Variants in MEPCE observed in about 807,000 individuals in gnomAD.
The protein encoded by MEPCE is methylphosphate capping enzyme, also known as 7SK snRNA methylphosphate capping enzyme.
A neutral mutation model predicts 52.3 loss-of-function variants in MEPCE; 9 were observed. The ratio of observed to expected loss-of-function variants is 0.17; its 90% CI spans 0.10 to 0.30. The LOEUF (loss-of-function observed/expected upper bound fraction) is 0.30. Ranked by LOEUF, MEPCE falls within the 10% of genes least tolerant of loss-of-function variation. The pLI, the probability that MEPCE is intolerant of heterozygous loss-of-function variation, is 1.00. For missense variants in MEPCE, 826 were observed against 933.0 expected, an observed-to-expected ratio of 0.89 and a Z score of 1.49; for synonymous variants, 477 against 401.6, an observed-to-expected ratio of 1.19 and a Z score of -2.25.
Position 100,430,188 on chromosome 7 carries a change from C to G in MEPCE, c.170C>G (p.Ser57Cys). ...CGTGGTCCGGGTCGTTGCGCGCCAT[C>G]TGCGGGGTCCCCAGCCGCTGCGGTC... ...TERGPGRCAPSAGSPAAAVGR... is the reference protein window; with the variant it reads ...TERGPGRCAPCAGSPAAAVGR... Residue 57 changes from serine (S) to cysteine (C), a missense_variant, in exon 1 of 4, where the codon TCT becomes TGT. Coordinates refer to ENST00000310512, the MANE Select transcript of MEPCE (RefSeq NM_019606.6). 1.5e-6 allele frequency: 2 copies of G among 1,298,978 alleles called. No homozygotes were observed. The highest frequency in any genetic ancestry group is 1.9e-6 in the Non-Finnish European group (2 of 1,026,050). 80.5% of individuals were successfully genotyped at this position (1,298,978 alleles called of 1,614,324 possible).
Position 100,430,439 on chromosome 7 carries a change from C to G in MEPCE, c.421C>G (p.Pro141Ala). Residue 141 changes from proline (P) to alanine (A), a missense_variant, in exon 1 of 4, where the codon CCA becomes GCA. Around this residue, in one of 7 missense-constraint regions of MEPCE, gnomAD observed 314 missense variants for 277.7 expected, o/e 1.13. Transcript: ENST00000310512. ...RPRNGYQPHRPPGGGGGKRRN... is the reference protein window; with the variant it reads ...RPRNGYQPHRAPGGGGGKRRN... Reference sequence around the variant, plus strand: ...CCGCAATGGCTATCAGCCCCACCGGCCACCTGGGGGGGGCGGGGGCAAGAG... The same window carrying G: ...CCGCAATGGCTATCAGCCCCACCGGGCACCTGGGGGGGGCGGGGGCAAGAG... 1 of 1,557,588 alleles carries G rather than the reference C, an allele frequency of 6.4e-7. No homozygotes were observed. Among genetic ancestry groups the G allele is most frequent in the Admixed American group, 1.8e-5 (1 of 56,202 alleles).
At position 100,432,948 on chromosome 7, in the gene MEPCE, G is replaced by C; in HGVS notation, c.1701G>C (p.Leu567=). The change falls in exon 2 of 4, where the codon CTG becomes CTC. Residue 567 remains leucine (L), a synonymous_variant. Coordinates refer to ENST00000310512, the MANE Select transcript of MEPCE (RefSeq NM_019606.6). The stretch of plus-strand genomic sequence containing the variant: ...ATTATGTGCTGGATCGAGATGACCT[G>C]GTGGAGGCCCAAACACCTGAGTATG... ...TGNYVLDRDD[L]VEAQTPEYDV... 2 of 1,614,056 alleles carry C rather than the reference G, an allele frequency of 1.2e-6. No homozygotes were observed. Among genetic ancestry groups the C allele is most frequent in the Non-Finnish European group, 8.5e-7 (1 of 1,180,022 alleles).
At chr7:100,432,841 C>A in intron 1 of MEPCE, 78 bp from the exon 2 acceptor site, 2 of 1,307,586 alleles carry the variant, frequency 1.5e-6, no homozygotes, top group Non-Finnish European at 2.2e-6. Context: ...GGGACTGTAT[C>A]GGCCTCAGAG....
In MEPCE at chr7:100,431,199, GCCACCA is replaced by G; in HGVS notation, c.1193_1198del (p.His398_His399del). The G allele has an allele frequency of 1.2e-6, 2 of 1,613,534 alleles. No individual in the cohort carries two copies. The highest frequency in any genetic ancestry group is 2.2e-5 in the East Asian group (1 of 44,890). ...AAGGGCCGAGGGAGTTGGGGAGGCC[GCCACCA>G]CCACCACCACCCACTGCCTGCAGCA... On this transcript the variant is annotated inframe_deletion, in exon 1 of 4. Coordinates refer to ENST00000310512, the MANE Select transcript of MEPCE (RefSeq NM_019606.6).
Position 100,430,214 on chromosome 7 carries a change from G to T in MEPCE, c.196G>T (p.Gly66Cys), listed in dbSNP as rs1798583721. 7.6e-6 allele frequency: 10 copies of T among 1,309,910 alleles called. No homozygotes were observed. Among genetic ancestry groups the T allele is most frequent in the Middle Eastern group, 2.7e-4 (1 of 3,738 alleles). 81.1% of individuals were successfully genotyped at this position (1,309,910 alleles called of 1,614,324 possible). The change falls in exon 1 of 4, where the codon GGT becomes TGT. Residue 66 changes from glycine (G) to cysteine (C), a missense_variant. Around this residue, in one of 7 missense-constraint regions of MEPCE, gnomAD observed 314 missense variants for 277.7 expected, o/e 1.13. Transcript: ENST00000310512. Reference sequence around the variant, plus strand: ...TGCGGGGTCCCCAGCCGCTGCGGTCGGTCGGGAAAGCCCCGGGGCCGCGGC... The same window carrying T: ...TGCGGGGTCCCCAGCCGCTGCGGTCTGTCGGGAAAGCCCCGGGGCCGCGGC... ...PSAGSPAAAV[G>C]RESPGAAATS...
intron 1 of MEPCE, among the ~76,000 whole-genome samples, chr7:100,432,185 T>C (rs1230548529): frequency 6.6e-6 from 1 of 152,168 alleles, no homozygotes; most frequent in Non-Finnish European, 1.5e-5. Flanking sequence ...CTAGACAGTT[T>C]GTTGAAGCGT....
chr7:100,430,905 G>T lies in MEPCE; in HGVS notation c.887G>T (p.Gly296Val), dbSNP rs1563163052. Reference sequence around the variant, plus strand: ...GCCCCTCTCACCCCCTTACTCCACGGGGAGGGCGCCTCACAGCAGCCGCGG... The same window carrying T: ...GCCCCTCTCACCCCCTTACTCCACGTGGAGGGCGCCTCACAGCAGCCGCGG... ...PTAPLTPLLH[G>V]EGASQQPRHR... Residue 296 changes from glycine (G) to valine (V), a missense_variant, in exon 1 of 4, where the codon GGG becomes GTG. This residue lies in a region of MEPCE where 307 missense variants were observed against 292.1 expected (regional missense o/e 1.05). Transcript: ENST00000310512. The T allele has an allele frequency of 6.2e-7, 1 of 1,609,174 alleles. No individual in the cohort carries two copies. The highest frequency in any genetic ancestry group is 8.5e-7 in the Non-Finnish European group (1 of 1,177,088).
Position 100,430,345 on chromosome 7 carries a change from C to G in MEPCE, c.327C>G (p.Pro109=), listed in dbSNP as rs1798606558. The G allele has an allele frequency of 2.8e-6, 4 of 1,429,342 alleles. No homozygotes were observed. In the African/African-American group the frequency reaches 4.3e-5, roughly 15 times the overall value. 88.5% of individuals were successfully genotyped at this position (1,429,342 alleles called of 1,614,324 possible). ...RLSDPPGRAA[P]PDVGEERRGG... ...CGGATCCCCCGGGGCGAGCCGCTCCCCCGGACGTGGGGGAGGAGCGCCGGG... is the reference window on the plus strand; with the variant it reads ...CGGATCCCCCGGGGCGAGCCGCTCCGCCGGACGTGGGGGAGGAGCGCCGGG... The change falls in exon 1 of 4, where the codon CCC becomes CCG. Residue 109 remains proline, a synonymous_variant. Transcript: ENST00000310512.
chr7:100,432,856 T>G, intron 1 of MEPCE, 63 bp from the exon 2 acceptor site: 1 of 1,481,094 alleles, frequency 6.8e-7, no homozygotes. Context: ...TCAGAGCAGG[T>G]TGCCTGGGAG....
chr7:100,431,813 C>T (rs1584325460), intron 1 of MEPCE, 124 bp downstream of exon 1: 1 of 894,906 alleles, frequency 1.1e-6, no homozygotes, highest in East Asian at 2.7e-5. Flanking sequence ...AAGTGAGAGC[C>T]TCTGCTGGGC....
chr7:100,431,072 A>T lies in MEPCE; in HGVS notation c.1054A>T (p.Ile352Phe), dbSNP rs1202941549. ...SLSAPPAASV[I>F]SAPPSSSSRH... is the part of the protein sequence containing the mutation. The stretch of plus-strand genomic sequence containing the variant: ...ATCAGCCCCTCCAGCTGCCTCAGTT[A>T]TCTCTGCACCCCCATCTTCCTCCTC... Residue 352 changes from isoleucine (I) to phenylalanine (F), a missense_variant, in exon 1 of 4, where the codon ATC becomes TTC. Ile to Phe is a conservative substitution (Grantham distance 21). Around this residue, in one of 7 missense-constraint regions of MEPCE, gnomAD observed 307 missense variants for 292.1 expected, o/e 1.05. Transcript: ENST00000310512. 2 of 1,613,762 alleles carry T rather than the reference A, an allele frequency of 1.2e-6. No homozygotes were observed.
At chr7:100,432,887 C>T (rs1323344790) in intron 1 of MEPCE, 32 bp from the exon 2 acceptor site, 3 of 1,600,082 alleles carry the variant, frequency 1.9e-6, no homozygotes, top group Non-Finnish European at 1.7e-6. Flanking sequence ...TTGATTCCCT[C>T]AGTTGACCTC....
At position 100,433,315 on chromosome 7, in the gene MEPCE, G is replaced by A. The variant is rs750057861; in HGVS notation, c.1943G>A (p.Ser648Asn). Residue 648 changes from serine to asparagine, a missense_variant, in exon 3 of 4, where the codon AGT becomes AAT. By Grantham distance (46) the Ser-to-Asn change is conservative (BLOSUM62 1). Around this residue, in one of 7 missense-constraint regions of MEPCE, gnomAD observed 82 missense variants for 121.4 expected, o/e 0.68. Transcript: ENST00000310512. ...YRIQLKPEQF[S>N]SYLTSPDVGF... ...ATCCAATTGAAGCCAGAGCAGTTCA[G>A]TTCCTACCTGACATCCCCAGACGTG... is the stretch of plus-strand genomic sequence containing the variant. 1 of 1,614,204 alleles carries A rather than the reference G, an allele frequency of 6.2e-7. No individual in the cohort carries two copies. The highest frequency in any genetic ancestry group is 1.1e-5 in the South Asian group (1 of 91,088).
Position 100,430,217 on chromosome 7 carries a change from C to G in MEPCE, c.199C>G (p.Arg67Gly), listed in dbSNP as rs1179326582. 7.6e-7 allele frequency: 1 copy of G among 1,319,026 alleles called. No homozygotes were observed. The highest frequency in any genetic ancestry group is 3.9e-5 in the Admixed American group (1 of 25,478). The allele number at this position is 1,319,026 out of a possible 1,614,324, so 81.7% of individuals were successfully genotyped here. A position where few individuals can be genotyped will look rare whatever the true frequency, so the allele number is the denominator to read the frequency against. Reference sequence around the variant, plus strand: ...GGGGTCCCCAGCCGCTGCGGTCGGTCGGGAAAGCCCCGGGGCCGCGGCCAC... The same window carrying G: ...GGGGTCCCCAGCCGCTGCGGTCGGTGGGGAAAGCCCCGGGGCCGCGGCCAC... ...SAGSPAAAVGRESPGAAATSS... is the reference protein window; with the variant it reads ...SAGSPAAAVGGESPGAAATSS... Residue 67 changes from arginine (R) to glycine (G), a missense_variant, in exon 1 of 4, where the codon CGG becomes GGG. Arg to Gly is a moderately radical substitution (Grantham distance 125). Transcript: ENST00000310512.
chr7:100,429,497 C>T (rs1396208698), upstream of MEPCE: 2 of 152,546 alleles, frequency 1.3e-5, no homozygotes, highest in Non-Finnish European at 2.9e-5. Context: ...CACACCAGCT[C>T]CCGTCCCCCG....
At position 100,431,386 on chromosome 7, in the gene MEPCE, T is replaced by C. The variant is rs1563164029; in HGVS notation, c.1368T>C (p.His456=). 6.2e-7 allele frequency: 1 copy of C among 1,614,146 alleles called. No individual in the cohort carries two copies. Among genetic ancestry groups the C allele is most frequent in the Admixed American group, 1.7e-5 (1 of 60,032 alleles). Residue 456 remains histidine (H), a synonymous_variant, in exon 1 of 4, where the codon CAT becomes CAC. Transcript: ENST00000310512. ...TAGATCTGGGCTGCAATGTGGGCCA[T>C]CTGACCCTGAGCATTGCCTGCAAGT... ...DVLDLGCNVG[H]LTLSIACKWG...
chr7:100,433,220 G>A, intron 2 of MEPCE, 43 bp from the exon 3 acceptor site: 1 of 1,613,948 alleles, frequency 6.2e-7, no homozygotes, highest in South Asian at 1.1e-5. Context: ...TTGGCCAGGG[G>A]AGGCGGCAGC....
At chr7:100,433,174 T>G (rs753536556) in intron 2 of MEPCE, 37 bp downstream of exon 2, 40 of 1,613,076 alleles carry the variant, frequency 2.5e-5, no homozygotes, top group Admixed American at 8.3e-5. Flanking sequence ...ATTCCTTTGG[T>G]TGAGGCAAGA....
chr7:100,433,405 T>G lies in MEPCE; in HGVS notation c.2017+16T>G, dbSNP rs1798779037. Reference sequence around the variant, plus strand: ...ACCTCTAAAGGTAAGGCTGGTTTATTTTGTCAGGGAGGCTGGTCCTGGCTG... The same window carrying G: ...ACCTCTAAAGGTAAGGCTGGTTTATGTTGTCAGGGAGGCTGGTCCTGGCTG... On this transcript the variant is annotated intron_variant, in intron 3 of 3. Coordinates refer to ENST00000310512, the MANE Select transcript of MEPCE (RefSeq NM_019606.6). 1.2e-6 allele frequency: 2 copies of G among 1,614,122 alleles called. No individual in the cohort carries two copies. The highest frequency in any genetic ancestry group is 1.7e-6 in the Non-Finnish European group (2 of 1,179,998).
Sources: allele counts gnomAD v4.1 joint callset (sites outside exome capture counted in the v4.1 genomes callset), GRCh38; gene constraint gnomAD v4.1.1; regional missense constraint gnomAD v4.1.1; transcripts MANE v1.5; gene names NCBI Gene and HGNC (gene_info 2026-07-23, HGNC 2026-07-21).